SLC8A1: variants seen among roughly 807,000 people sequenced by gnomAD.
SLC8A1 encodes the protein solute carrier family 8 member A1, also known as sodium/calcium exchanger 1.
Under a neutral mutation model 68.3 loss-of-function variants are expected in SLC8A1, and 18 were observed. The observed-to-expected ratio is 0.26, with a 90% CI of 0.18 to 0.39. SLC8A1 has a LOEUF of 0.39. Ranked by LOEUF, SLC8A1 falls within the 10% of genes least tolerant of loss-of-function variation. The pLI, the probability that SLC8A1 is intolerant of heterozygous loss-of-function variation, is 1.00. For synonymous variants in SLC8A1, 475 were observed against 415.5 expected (o/e 1.14, Z -1.74); for missense variants, 985 against 1,156.7 (o/e 0.85, Z 2.15).
chr2:40,324,161 G>T (rs1330454338), intron 2 of SLC8A1, among the ~76,000 whole-genome samples: 1 of 152,120 alleles, frequency 6.6e-6, no homozygotes, highest in South Asian at 2.1e-4. Context: ...AGAAATCCAC[G>T]AGATTGAAAT....
intron 1 of SLC8A1, among the ~76,000 whole-genome samples, chr2:40,465,173 T>C (rs1327604855): frequency 1.3e-5 from 2 of 152,218 alleles, no homozygotes; most frequent in East Asian, 3.8e-4. Context: ...AAAGTTGTTA[T>C]GGATATTTAT....
chr2:40,413,801 T>G (rs1692961166), intron 2 of SLC8A1, among the ~76,000 whole-genome samples: 1 of 152,164 alleles, frequency 6.6e-6, no homozygotes, highest in African/African-American at 2.4e-5. Context: ...ATTTTTATAT[T>G]TACTAATCCT....
chr2:40,359,775 T>G (rs545318876), intron 2 of SLC8A1, among the ~76,000 whole-genome samples: 1 of 152,098 alleles, frequency 6.6e-6, no homozygotes, highest in Non-Finnish European at 1.5e-5. Flanking sequence ...GAGGCATGGA[T>G]TCATTGCAGT....
chr2:40,206,160 G>A (rs887144996), intron 2 of SLC8A1, among the ~76,000 whole-genome samples: 1 of 151,982 alleles, frequency 6.6e-6, no homozygotes, highest in Non-Finnish European at 1.5e-5. Flanking sequence ...AAGCTATGAA[G>A]AACCAATTAG....
chr2:40,208,880 G>T (rs895038659), intron 2 of SLC8A1: 1 of 152,088 alleles, frequency 6.6e-6, no homozygotes, highest in African/African-American at 2.4e-5. Flanking sequence ...CTTTTCAAGG[G>T]AAAAGAATCC....
At chr2:40,458,978 G>C (rs1703181868) in intron 1 of SLC8A1, among the ~76,000 whole-genome samples, 1 of 152,146 alleles carries the variant, frequency 6.6e-6, no homozygotes, top group African/African-American at 2.4e-5. Context: ...ATAAAACACA[G>C]CTGAGAGTAG....
intron 6 of SLC8A1, among the ~76,000 whole-genome samples, chr2:40,150,579 T>C (rs1573199537): frequency 6.6e-6 from 1 of 152,188 alleles, no homozygotes. Flanking sequence ...GATGGCACAT[T>C]GTTTGCAGAG....
upstream of SLC8A1, chr2:40,453,528 C>T (rs2149885133): frequency 6.6e-6 from 1 of 152,358 alleles, no homozygotes. Flanking sequence ...GTGCCAGTGG[C>T]TCTCAACCCT....
chr2:40,193,999 T>C (rs1038736510), intron 2 of SLC8A1, among the ~76,000 whole-genome samples: 1 of 152,126 alleles, frequency 6.6e-6, no homozygotes, highest in African/African-American at 2.4e-5. Context: ...CAAGTTGAAA[T>C]TGCATGAAAT....
intron 4 of SLC8A1, among the ~76,000 whole-genome samples, chr2:40,171,363 C>T (rs421870): frequency 0.098 from 14,948 of 152,102 alleles, 867 homozygotes; most frequent in Middle Eastern, 0.19. Flanking sequence ...AATAGGTATA[C>T]TGACTGATTT....
chr2:40,263,766 T>C (rs2065008824), intron 2 of SLC8A1, among the ~76,000 whole-genome samples: 1 of 152,080 alleles, frequency 6.6e-6, no homozygotes. Flanking sequence ...ACCTAGGCAA[T>C]ACCATTCAGG....
intron 2 of SLC8A1, among the ~76,000 whole-genome samples, chr2:40,283,487 C>T (rs749112601): frequency 1.4e-4 from 22 of 152,170 alleles, no homozygotes; most frequent in South Asian, 1.2e-3. Flanking sequence ...CTCTCAAAGA[C>T]ACCTACACAA....
chr2:40,347,426 G>A (rs1225551726), intron 2 of SLC8A1, among the ~76,000 whole-genome samples: 1 of 152,220 alleles, frequency 6.6e-6, no homozygotes, highest in Non-Finnish European at 1.5e-5. Context: ...AGCAGAGAAA[G>A]AAGAGAATCC....
intron 2 of SLC8A1, among the ~76,000 whole-genome samples, chr2:40,234,439 A>G (rs2060093505): frequency 6.6e-6 from 1 of 152,096 alleles, no homozygotes; most frequent in Admixed American, 6.5e-5. Context: ...TGATTTTGGT[A>G]CATTGATTTT....
intron 2 of SLC8A1, among the ~76,000 whole-genome samples, chr2:40,207,647 C>T (rs532369645): frequency 1.3e-5 from 2 of 152,040 alleles, no homozygotes; most frequent in South Asian, 2.1e-4. Context: ...AAAATGATTG[C>T]TTAAAAAATA....
intron 2 of SLC8A1, among the ~76,000 whole-genome samples, chr2:40,207,802 C>T (rs527272124): frequency 6.6e-6 from 1 of 152,190 alleles, no homozygotes; most frequent in Non-Finnish European, 1.5e-5. Context: ...ACTACCCTTT[C>T]CCTTTTTTTA....
At chr2:40,339,318 T>C (rs2149401865) in intron 2 of SLC8A1, among the ~76,000 whole-genome samples, 1 of 152,304 alleles carries the variant, frequency 6.6e-6, no homozygotes, top group African/African-American at 2.4e-5. Context: ...GTGCATTCTC[T>C]CATTACCTCT....
At chr2:40,138,044 A>T (rs1558492090) in intron 7 of SLC8A1, among the ~76,000 whole-genome samples, 1 of 152,106 alleles carries the variant, frequency 6.6e-6, no homozygotes, top group Admixed American at 6.5e-5. Context: ...ATTTTATTAA[A>T]TTTTTTCTAT....
intron 2 of SLC8A1, among the ~76,000 whole-genome samples, chr2:40,395,212 C>T (rs975637361): frequency 2.6e-5 from 4 of 152,056 alleles, no homozygotes; most frequent in African/African-American, 9.7e-5. Flanking sequence ...TAGAGAAATC[C>T]TACTGAAGAA....
Sources: allele counts gnomAD v4.1 joint callset (sites outside exome capture counted in the v4.1 genomes callset), GRCh38; gene constraint gnomAD v4.1.1; transcripts MANE v1.5; gene names NCBI Gene and HGNC (gene_info 2026-07-23, HGNC 2026-07-21).